BCAR3: variants seen among roughly 807,000 people sequenced by gnomAD.
The protein encoded by BCAR3 is breast cancer anti-estrogen resistance protein 3.
In BCAR3, 37 loss-of-function variants were observed where a neutral mutation model predicts 80.1. The ratio of observed to expected loss-of-function variants is 0.46; its 90% CI spans 0.36 to 0.61. The LOEUF (loss-of-function observed/expected upper bound fraction) is 0.61, where lower values mean the gene tolerates loss of function less well. BCAR3 is among the 20% of genes least tolerant of loss of function. The pLI is 0.00. For synonymous variants in BCAR3, 389 were observed against 418.9 expected, an observed-to-expected ratio of 0.93 and a Z score of 0.87; for missense variants, 978 against 1,068.2, an observed-to-expected ratio of 0.92 and a Z score of 1.18.
chr1:93,682,545 T>C (rs570998143), upstream of BCAR3, among the ~76,000 whole-genome samples: 2 of 152,300 alleles, frequency 1.3e-5, no homozygotes, highest in South Asian at 4.1e-4. Flanking sequence ...CCATCCCCAG[T>C]CAATTCCAGA....
intron 3 of BCAR3, chr1:93,614,136 C>T (rs940253928): frequency 2.8e-5 from 38 of 1,352,130 alleles, no homozygotes; most frequent in Admixed American, 6.7e-5. Context: ...ACGATCCACT[C>T]GCTCAATTCT....
chr1:93,828,301 T>C (rs1312871274), intron 2 of BCAR3, among the ~76,000 whole-genome samples: 1 of 152,186 alleles, frequency 6.6e-6, no homozygotes, highest in Non-Finnish European at 1.5e-5. Context: ...CAAGACCTTG[T>C]CTCTTTAGAA....
intron 3 of BCAR3, among the ~76,000 whole-genome samples, chr1:93,624,307 C>T (rs1015362194): frequency 2.0e-5 from 3 of 152,206 alleles, no homozygotes; most frequent in Non-Finnish European, 4.4e-5. Flanking sequence ...GAGCTTTTCC[C>T]GGTACAGTCA....
chr1:93,689,358 C>A (rs547846553), intron 3 of BCAR3, among the ~76,000 whole-genome samples: 11 of 152,022 alleles, frequency 7.2e-5, no homozygotes, highest in African/African-American at 2.7e-4. Flanking sequence ...TTTGGCAGCA[C>A]ATATACTAAA....
intron 2 of BCAR3, among the ~76,000 whole-genome samples, chr1:93,820,912 T>TA (rs1654196149): frequency 6.9e-6 from 1 of 144,970 alleles, no homozygotes; most frequent in African/African-American, 2.6e-5. Flanking sequence ...CATTACAAAT[T>TA]ACATCTTATC....
At chr1:93,723,646 C>T (rs1437590481) in intron 2 of BCAR3, 2 of 152,168 alleles carry the variant, frequency 1.3e-5, no homozygotes, top group African/African-American at 4.8e-5. Flanking sequence ...TTCTCTGCCA[C>T]AGGAGCCTCA....
intron 2 of BCAR3, among the ~76,000 whole-genome samples, chr1:93,832,375 A>C (rs1238360905): frequency 6.6e-6 from 1 of 152,192 alleles, no homozygotes; most frequent in Non-Finnish European, 1.5e-5. Context: ...GAATGCCTGC[A>C]GCCTGCGATT....
At chr1:93,689,480 G>A (rs1019343021) in intron 3 of BCAR3, among the ~76,000 whole-genome samples, 16 of 150,440 alleles carry the variant, frequency 1.1e-4, no homozygotes, top group Non-Finnish European at 1.8e-4. Context: ...GCAGTGAGCC[G>A]AGATCGCACC....
At chr1:93,660,536 T>G (rs1461196657) in intron 2 of BCAR3, among the ~76,000 whole-genome samples, 1 of 152,190 alleles carries the variant, frequency 6.6e-6, no homozygotes, top group African/African-American at 2.4e-5. Context: ...GCCTGGTGAG[T>G]GCAGAAATGA....
intron 3 of BCAR3, among the ~76,000 whole-genome samples, chr1:93,635,782 A>G (rs1411985988): frequency 6.6e-6 from 1 of 152,228 alleles, no homozygotes; most frequent in Non-Finnish European, 1.5e-5. Context: ...ATAACTTGTT[A>G]AAATCTCATG....
intron 2 of BCAR3, among the ~76,000 whole-genome samples, chr1:93,830,453 T>C (rs1417590133): frequency 6.6e-6 from 1 of 152,162 alleles, no homozygotes; most frequent in African/African-American, 2.4e-5. Context: ...CATTCCACCA[T>C]TGTGATTTGT....
At chr1:93,824,175 T>C (rs1000518879) in intron 2 of BCAR3, among the ~76,000 whole-genome samples, 1 of 134,088 alleles carries the variant, frequency 7.5e-6, no homozygotes, top group African/African-American at 2.5e-5. Flanking sequence ...CTGGCCAACG[T>C]GGCCTGGCCA....
intron 2 of BCAR3, among the ~76,000 whole-genome samples, chr1:93,810,207 A>AAAG (rs1207487586): frequency 6.6e-6 from 1 of 151,814 alleles, no homozygotes; most frequent in African/African-American, 2.4e-5. Flanking sequence ...AAAAAAAAAA[A>AAAG]AGAAATTGCT....
intron 1 of BCAR3, among the ~76,000 whole-genome samples, chr1:93,846,086 C>A (rs1254608012): frequency 6.6e-6 from 1 of 152,220 alleles, no homozygotes; most frequent in African/African-American, 2.4e-5. Context: ...AGTTTCCCTT[C>A]TTTATATTAT....
At chr1:93,709,549 G>T (rs1649947007) in intron 2 of BCAR3, among the ~76,000 whole-genome samples, 1 of 152,146 alleles carries the variant, frequency 6.6e-6, no homozygotes, top group Non-Finnish European at 1.5e-5. Context: ...TCTTAGTGTG[G>T]GTGACCCTGT....
chr1:93,693,371 A>G (rs1649268496), intron 3 of BCAR3, among the ~76,000 whole-genome samples: 1 of 152,118 alleles, frequency 6.6e-6, no homozygotes, highest in South Asian at 2.1e-4. Context: ...GGAAGAAAGA[A>G]CCCCTTGAGT....
At chr1:93,719,418 G>C (rs568141634) in intron 2 of BCAR3, among the ~76,000 whole-genome samples, 94 of 123,614 alleles carry the variant, frequency 7.6e-4, no homozygotes, top group Middle Eastern at 7.0e-3. Context: ...TTGGCTCACT[G>C]CAACCTCTGC....
intron 11 of BCAR3, among the ~76,000 whole-genome samples, chr1:93,563,811 G>T (rs1382194585): frequency 1.3e-5 from 2 of 152,240 alleles, no homozygotes; most frequent in Non-Finnish European, 2.9e-5. Flanking sequence ...TCCTGCCTCA[G>T]CCTCCCAAGT....
intron 3 of BCAR3, among the ~76,000 whole-genome samples, chr1:93,627,900 C>G (rs1675498768): frequency 6.6e-6 from 1 of 152,032 alleles, no homozygotes; most frequent in African/African-American, 2.4e-5. Context: ...CAGTATCTTA[C>G]CTATGGAGTA....
Sources: allele counts gnomAD v4.1 joint callset (sites outside exome capture counted in the v4.1 genomes callset), GRCh38; gene constraint gnomAD v4.1.1; transcripts MANE v1.5; gene names NCBI Gene and HGNC (gene_info 2026-07-23, HGNC 2026-07-21).